PTAR1: variants seen among roughly 807,000 people sequenced by gnomAD.
PTAR1 encodes protein prenyltransferase alpha subunit repeat-containing protein 1.
Under a neutral mutation model 45.5 loss-of-function variants are expected in PTAR1, and 17 were observed. The observed-to-expected ratio is 0.37, with a 90% confidence interval of 0.26 to 0.56. The LOEUF (loss-of-function observed/expected upper bound fraction) is 0.56. Among genes scored for constraint, PTAR1 ranks in the 20% least tolerant of loss-of-function variants. PTAR1 has a pLI of 0.77. For missense variants in PTAR1, 391 were observed against 476.3 expected (o/e 0.82, Z 1.67); for synonymous variants, 169 against 171.3 (o/e 0.99, Z 0.11).
Position 69,723,407 on chromosome 9 carries a change from G to C in PTAR1, c.866C>G (p.Pro289Arg). 6.2e-7 allele frequency: 1 copy of C among 1,613,588 alleles called. No homozygotes were observed. Among genetic ancestry groups the C allele is most frequent in the Non-Finnish European group, 8.5e-7 (1 of 1,179,580 alleles). The change falls in exon 6 of 8, where the codon CCC (proline) becomes CGC (arginine). Residue 289 changes from proline (P) to arginine (R), a missense_variant. Physicochemically the swap from Pro to Arg is moderately radical, Grantham distance 103. Coordinates refer to ENST00000340434, the MANE Select transcript of PTAR1 (RefSeq NM_001099666.2). ...TTCAACTTCTTCTTCTAGAAGATGG[G>C]GAAGATTAATCCTTGGTTCTTCTGT... ...VSTEEPRINL[P>R]HLLEEEVEFS...
At chr9:69,759,595 G>C (rs1826984755) in intron 1 of PTAR1, among the ~76,000 whole-genome samples, 1 of 152,196 alleles carries the variant, frequency 6.6e-6, no homozygotes, top group Non-Finnish European at 1.5e-5. Context: ...GAAAAGGTGG[G>C]GAGGGACAGA....
At chr9:69,736,191 G>C (rs1196306853) in intron 3 of PTAR1, among the ~76,000 whole-genome samples, 1 of 152,100 alleles carries the variant, frequency 6.6e-6, no homozygotes, top group African/African-American at 2.4e-5. Context: ...AGATCCTCAG[G>C]CCTCAGCCCA....
At position 69,718,253 on chromosome 9, in the gene PTAR1, A is replaced by G. The variant is rs1406961104; in HGVS notation, c.*89T>C. 2.3e-6 allele frequency: 2 copies of G among 854,596 alleles called. No individual in the cohort carries two copies. Among genetic ancestry groups the G allele is most frequent in the African/African-American group, 1.7e-5 (1 of 58,734 alleles). 52.9% of individuals were successfully genotyped at this position (854,596 alleles called of 1,614,324 possible). On this transcript the variant is annotated 3_prime_UTR_variant, in exon 8 of 8. Coordinates refer to ENST00000340434, the MANE Select transcript of PTAR1 (RefSeq NM_001099666.2). ...GACGAAGAACATATGGTTAGCCAAT[A>G]ATAGTAAACAGTTCATGCAACTATG...
At chr9:69,758,112 G>T (rs1038289288) in intron 1 of PTAR1, 1 of 152,108 alleles carries the variant, frequency 6.6e-6, no homozygotes, top group African/African-American at 2.4e-5. Context: ...AAAGGATTAG[G>T]GAGGGGCATT....
chr9:69,748,566 G>A (rs545770536), intron 2 of PTAR1, among the ~76,000 whole-genome samples: 37 of 152,064 alleles, frequency 2.4e-4, no homozygotes, highest in Non-Finnish European at 5.0e-4. Context: ...ACATTTTTAG[G>A]TGGATGCCTA....
chr9:69,726,072 G>T (rs1360395954), intron 5 of PTAR1, among the ~76,000 whole-genome samples: 1 of 152,064 alleles, frequency 6.6e-6, no homozygotes, highest in African/African-American at 2.4e-5. Context: ...TTTAAAAATA[G>T]TATTTGGGTT....
Position 69,718,606 on chromosome 9 carries a change from G to A in PTAR1, c.983-38C>T, listed in dbSNP as rs533274686. The A allele has an allele frequency of 2.0e-5, 33 of 1,613,374 alleles. No homozygotes were observed. In the South Asian group the frequency reaches 3.3e-4, roughly 16 times the overall value. Reference sequence around the variant, plus strand: ...GCAAGTCACTCAAAGTCCCCCCAGGGCTGTCTGCAGGTGACAACTGGGTCA... The same window carrying A: ...GCAAGTCACTCAAAGTCCCCCCAGGACTGTCTGCAGGTGACAACTGGGTCA... On this transcript the variant is annotated intron_variant, in intron 7 of 7. Transcript: ENST00000340434.
intron 2 of PTAR1, among the ~76,000 whole-genome samples, chr9:69,742,222 A>G (rs1826071936): frequency 6.6e-6 from 1 of 152,146 alleles, no homozygotes; most frequent in African/African-American, 2.4e-5. Flanking sequence ...TATCTCAAGT[A>G]TTGACGGTGT....
Position 69,759,991 on chromosome 9 carries a change from G to C in PTAR1, c.-53C>G, listed in dbSNP as rs1252751608. The stretch of plus-strand genomic sequence containing the variant: ...GCGCCTCCGCGTGAGCCGGGCCGCC[G>C]GCGGGAGTTCCGCGGAGAACGAGCG... On this transcript the variant is annotated 5_prime_UTR_variant, in exon 1 of 8. Coordinates refer to ENST00000340434, the MANE Select transcript of PTAR1 (RefSeq NM_001099666.2). 7 of 1,395,128 alleles carry C rather than the reference G, an allele frequency of 5.0e-6. No individual in the cohort carries two copies. Among genetic ancestry groups the C allele is most frequent in the Non-Finnish European group, 6.6e-6 (7 of 1,062,806 alleles). 86.4% of individuals were successfully genotyped at this position (1,395,128 alleles called of 1,614,324 possible).
chr9:69,731,887 T>C, intron 5 of PTAR1: 1 of 509,566 alleles, frequency 2.0e-6, no homozygotes, highest in Non-Finnish European at 3.5e-6. Flanking sequence ...ATGCTCAATC[T>C]TCCTCAGTTG....
At position 69,731,291 on chromosome 9, in the gene PTAR1, C is replaced by T. The variant is rs184084875; in HGVS notation, c.642+848G>A. Among the ~76,000 whole-genome samples, 351 of 152,268 alleles carry T rather than the reference C, an allele frequency of 2.3e-3. 1 individual carries two copies. Among genetic ancestry groups the T allele is most frequent in the Non-Finnish European group, 3.8e-3 (261 of 68,026 alleles). On this transcript the variant is annotated intron_variant, in intron 5 of 7. Transcript: ENST00000340434. ...CTTCCCCACTTATCTGAAAGCATCA[C>T]CTGGGGCACTTCAATCTTCAACTTG... is the stretch of plus-strand genomic sequence containing the variant.
chr9:69,730,021 A>G (rs899033726), intron 5 of PTAR1, among the ~76,000 whole-genome samples: 1 of 152,142 alleles, frequency 6.6e-6, no homozygotes, highest in Non-Finnish European at 1.5e-5. Flanking sequence ...TTTTAAGCTG[A>G]TTTAGACTAC....
chr9:69,751,541 T>C (rs1826534488), intron 1 of PTAR1, among the ~76,000 whole-genome samples: 1 of 152,094 alleles, frequency 6.6e-6, no homozygotes, highest in Non-Finnish European at 1.5e-5. Context: ...CTTGGAAGGA[T>C]AACAAGAAAT....
At position 69,710,211 on chromosome 9, in the gene PTAR1, G is replaced by A. The variant is rs1824473058; in HGVS notation, c.*8131C>T. On this transcript the variant is annotated 3_prime_UTR_variant, in exon 8 of 8. Coordinates refer to ENST00000340434, the MANE Select transcript of PTAR1 (RefSeq NM_001099666.2). ...TGAGCACTTAAAATGTGGCCAGTCA[G>A]AATTGAGATGTGCTGTGAGTGCAAA... 1 of 152,104 alleles carries A rather than the reference G, an allele frequency of 6.6e-6. No individual in the cohort carries two copies. The highest frequency in any genetic ancestry group is 2.4e-5 in the African/African-American group (1 of 41,426). 9.4% of individuals were successfully genotyped at this position (152,104 alleles called of 1,614,324 possible). A position where few individuals can be genotyped will look rare whatever the true frequency, so the allele number is the denominator to read the frequency against.
At chr9:69,723,962 G>T (rs1333607444) in intron 5 of PTAR1, among the ~76,000 whole-genome samples, 1 of 152,070 alleles carries the variant, frequency 6.6e-6, no homozygotes, top group African/African-American at 2.4e-5. Context: ...ATGAGCATTA[G>T]GGTATTCATT....
chr9:69,729,217 G>T (rs564057467), intron 5 of PTAR1, among the ~76,000 whole-genome samples: 55 of 152,268 alleles, frequency 3.6e-4, no homozygotes, highest in African/African-American at 1.3e-3. Flanking sequence ...CTACTTGGGA[G>T]GCTGAGGCAG....
chr9:69,743,011 G>T (rs1456097335), intron 2 of PTAR1, among the ~76,000 whole-genome samples: 2 of 151,994 alleles, frequency 1.3e-5, no homozygotes, highest in African/African-American at 4.8e-5. Flanking sequence ...TATCTATCTA[G>T]GGGCACAGTA....
chr9:69,758,695 C>T (rs1465154706), intron 1 of PTAR1: 2 of 413,454 alleles, frequency 4.8e-6, no homozygotes, highest in South Asian at 1.7e-5. Flanking sequence ...AACTGTTTTA[C>T]AATCATCACC....
Position 69,714,791 on chromosome 9 carries a change from G to C in PTAR1, c.*3551C>G, listed in dbSNP as rs1824663464. On this transcript the variant is annotated 3_prime_UTR_variant, in exon 8 of 8. Coordinates refer to ENST00000340434, the MANE Select transcript of PTAR1 (RefSeq NM_001099666.2). ...AAATATGACTGAAAGTCTGGGCCCA[G>C]AGTTTCTTAAGAGGTAATAAAATGC... The C allele has an allele frequency of 6.6e-6, 1 of 152,066 alleles. No homozygotes were observed. Among genetic ancestry groups the C allele is most frequent in the South Asian group, 2.1e-4 (1 of 4,828 alleles). The allele number at this position is 152,066 out of a possible 1,614,324, so 9.4% of individuals were successfully genotyped here.
Sources: gnomAD v4.1 joint callset for allele counts (sites outside exome capture counted in the v4.1 genomes callset) on GRCh38, gnomAD v4.1.1 for gene constraint, MANE v1.5 for transcripts, NCBI Gene and HGNC (gene_info 2026-07-23, HGNC 2026-07-21) for gene names.